Variants in TSC22D2 observed in about 807,000 individuals in gnomAD.
TSC22D2 encodes TSC22 domain family member 2.
A neutral mutation model predicts 50.1 loss-of-function variants in TSC22D2; 5 were observed. That is an observed-to-expected ratio of 0.10 (90% confidence interval 0.05 to 0.21). TSC22D2 has a LOEUF of 0.21. Among genes scored for constraint, TSC22D2 ranks in the 10% least tolerant of loss-of-function variants. The probability of loss-of-function intolerance (pLI) is 1.00; values close to 1 mark genes in which losing one functional copy is unlikely to be tolerated. For missense variants in TSC22D2, 1,003 were observed against 1,015.5 expected (o/e 0.99, Z 0.17); for synonymous variants, 501 against 450.1 (o/e 1.11, Z -1.43).
At chr3:150,458,298 G>C in intron 2 of TSC22D2, 78 bp from the exon 3 acceptor site, 1 of 1,442,940 alleles carries the variant, frequency 6.9e-7, no homozygotes, top group Non-Finnish European at 9.4e-7. Flanking sequence ...TAAAAACTTA[G>C]CACCAAGTAG....
intron 1 of TSC22D2, among the ~76,000 whole-genome samples, chr3:150,433,083 A>T (rs1720429916): frequency 6.6e-6 from 1 of 152,236 alleles, no homozygotes; most frequent in African/African-American, 2.4e-5. Flanking sequence ...ACAGAAATAA[A>T]TTTAAATAAG....
At chr3:150,413,937 A>G (rs953805749) in intron 1 of TSC22D2, among the ~76,000 whole-genome samples, 2 of 151,692 alleles carry the variant, frequency 1.3e-5, no homozygotes, top group Middle Eastern at 3.4e-3. Context: ...GAGAAAAGAA[A>G]GGAAAATGGG....
At chr3:150,412,099 C>CT (rs34900822) in intron 1 of TSC22D2, among the ~76,000 whole-genome samples, 1 of 151,850 alleles carries the variant, frequency 6.6e-6, no homozygotes, top group African/African-American at 2.4e-5. Context: ...TTTAGGGATG[C>CT]TTTTTTTAAT....
rs1721396363 is a variant in TSC22D2 at position 150,461,438 on chromosome 3, A to G, written c.*2802A>G. ...GGAATGCCATCTATCTAATTCTGTC[A>G]GTGTAATGCCCATAGAGCAAGGTCC... On this transcript the variant is annotated 3_prime_UTR_variant, in exon 3 of 3. Coordinates refer to ENST00000688009, the MANE Select transcript of TSC22D2 (RefSeq NM_001303264.2). 1 of 152,224 alleles carries G rather than the reference A, an allele frequency of 6.6e-6. No individual in the cohort carries two copies. Among genetic ancestry groups the G allele is most frequent in the Admixed American group, 6.5e-5 (1 of 15,282 alleles). The allele number at this position is 152,224 out of a possible 1,614,324, so 9.4% of individuals were successfully genotyped here.
chr3:150,461,253 C>T lies in TSC22D2; in HGVS notation c.*2617C>T, dbSNP rs1721389621. The T allele has an allele frequency of 6.6e-6, 1 of 152,274 alleles. No individual in the cohort carries two copies. Among genetic ancestry groups the T allele is most frequent in the Admixed American group, 6.5e-5 (1 of 15,296 alleles). 9.4% of individuals were successfully genotyped at this position (152,274 alleles called of 1,614,324 possible). A position where few individuals can be genotyped will look rare whatever the true frequency, so the allele number is the denominator to read the frequency against. ...GCCCTCTGCTTTCCCATCATCCCCT[C>T]CCCTCAAAATCCAAACTATCCCTAC... On this transcript the variant is annotated 3_prime_UTR_variant, in exon 3 of 3. Transcript: ENST00000688009.
rs192613231 is a variant in TSC22D2 at position 150,465,599 on chromosome 3, T to C, written c.*6963T>C. The C allele has an allele frequency of 2.6e-5, 4 of 152,354 alleles. No homozygotes were observed. Among genetic ancestry groups the C allele is most frequent in the Non-Finnish European group, 5.9e-5 (4 of 68,018 alleles). The allele number at this position is 152,354 out of a possible 1,614,324, so 9.4% of individuals were successfully genotyped here. A position where few individuals can be genotyped will look rare whatever the true frequency, so the allele number is the denominator to read the frequency against. ...GTTCACAAGATAGCCTGTACAATGA[T>C]GTCAATTGCACCTTTGCTTGTACAG... On this transcript the variant is annotated 3_prime_UTR_variant, in exon 3 of 3. Coordinates refer to ENST00000688009, the MANE Select transcript of TSC22D2 (RefSeq NM_001303264.2).
intron 1 of TSC22D2, among the ~76,000 whole-genome samples, chr3:150,436,225 C>T (rs1720537864): frequency 6.6e-6 from 1 of 152,024 alleles, no homozygotes; most frequent in Admixed American, 6.6e-5. Flanking sequence ...GTAATGTATA[C>T]ACCCTTAAAA....
Position 150,409,235 on chromosome 3 carries a change from T to C in TSC22D2, c.-116T>C. 7.9e-7 allele frequency: 1 copy of C among 1,259,214 alleles called. No individual in the cohort carries two copies. Among genetic ancestry groups the C allele is most frequent in the Non-Finnish European group, 1.1e-6 (1 of 934,536 alleles). The allele number at this position is 1,259,214 out of a possible 1,614,324, so 78.0% of individuals were successfully genotyped here. A position where few individuals can be genotyped will look rare whatever the true frequency, so the allele number is the denominator to read the frequency against. On this transcript the variant is annotated 5_prime_UTR_variant, in exon 1 of 3. Transcript: ENST00000688009. This position sits in a 1 kb window ranked among gnomAD's most constrained non-coding sequence, Gnocchi z 7.4. ...CCGTGACTCTTAACAGCGGCGGGCC[T>C]CAGACCCCAGCGCAGACTCGGACTT...
chr3:150,443,439 CA>C (rs2108091842), intron 1 of TSC22D2, among the ~76,000 whole-genome samples: 1 of 152,214 alleles, frequency 6.6e-6, no homozygotes, highest in South Asian at 2.1e-4. Flanking sequence ...AGTTCTTTTT[CA>C]AAAATGGATA....
At chr3:150,411,883 A>T (rs1359481993) in intron 1 of TSC22D2, among the ~76,000 whole-genome samples, 1 of 152,192 alleles carries the variant, frequency 6.6e-6, no homozygotes, top group Non-Finnish European at 1.5e-5. Flanking sequence ...CAAGGTCACG[A>T]GTCTTCCCAG....
At chr3:150,424,602 A>G (rs1298635048) in intron 1 of TSC22D2, among the ~76,000 whole-genome samples, 1 of 152,192 alleles carries the variant, frequency 6.6e-6, no homozygotes, top group African/African-American at 2.4e-5. Context: ...TGTTACAGCT[A>G]AATACTCCTT....
chr3:150,445,283 A>C (rs1720843721), intron 1 of TSC22D2, among the ~76,000 whole-genome samples: 1 of 150,376 alleles, frequency 6.6e-6, no homozygotes, highest in Non-Finnish European at 1.5e-5. Context: ...ATTGCACTCC[A>C]GCCTGGGTGA....
At chr3:150,448,909 ATT>A (rs1395195247) in intron 1 of TSC22D2, among the ~76,000 whole-genome samples, 4 of 151,274 alleles carry the variant, frequency 2.6e-5, no homozygotes, top group Admixed American at 2.6e-4. Context: ...TAGGGGATAA[ATT>A]TTTAATGTAA....
At chr3:150,414,981 C>T (rs1319609632) in intron 1 of TSC22D2, among the ~76,000 whole-genome samples, 1 of 150,278 alleles carries the variant, frequency 6.7e-6, no homozygotes, top group Non-Finnish European at 1.5e-5. Context: ...CCTATCTACA[C>T]GTTTAAGAGT....
chr3:150,443,698 G>T (rs549152734), intron 1 of TSC22D2, among the ~76,000 whole-genome samples: 2 of 152,314 alleles, frequency 1.3e-5, no homozygotes, highest in Admixed American at 1.3e-4. Flanking sequence ...AAGCATTTAG[G>T]ATTTTTAATT....
intron 1 of TSC22D2, among the ~76,000 whole-genome samples, chr3:150,418,802 A>C (rs1476479595): frequency 6.6e-6 from 1 of 152,078 alleles, no homozygotes; most frequent in Non-Finnish European, 1.5e-5. Context: ...TATTGTTAAA[A>C]TAATATATAT....
intron 1 of TSC22D2, among the ~76,000 whole-genome samples, chr3:150,426,028 C>T (rs1720173452): frequency 6.6e-6 from 1 of 152,198 alleles, no homozygotes; most frequent in Admixed American, 6.5e-5. Context: ...GTCTTCCTTT[C>T]CCTTTTTCTG....
At chr3:150,426,676 G>A (rs932409754) in intron 1 of TSC22D2, among the ~76,000 whole-genome samples, 3 of 152,288 alleles carry the variant, frequency 2.0e-5, no homozygotes, top group Non-Finnish European at 4.4e-5. Context: ...TGAGAGAACA[G>A]TTGCTAGGTG....
At chr3:150,413,201 A>T (rs1231352244) in intron 1 of TSC22D2, among the ~76,000 whole-genome samples, 1 of 152,138 alleles carries the variant, frequency 6.6e-6, no homozygotes, top group Non-Finnish European at 1.5e-5. Context: ...TTTTCCTCTT[A>T]CTGTATTAAG....
Sources: gnomAD v4.1 joint callset for allele counts (sites outside exome capture counted in the v4.1 genomes callset) on GRCh38, gnomAD v4.1.1 for gene constraint, Gnocchi (gnomAD v3.1) non-coding constraint, MANE v1.5 for transcripts, NCBI Gene and HGNC (gene_info 2026-07-23, HGNC 2026-07-21) for gene names.